The following VTCN1 variants were observed in gnomAD, a reference collection of about 807,000 sequenced individuals.
VTCN1 encodes V-set domain-containing T-cell activation inhibitor 1.
In VTCN1, 26 loss-of-function variants were observed where a neutral mutation model predicts 26.5. The observed-to-expected ratio is 0.98, with a 90% CI of 0.72 to 1.36. VTCN1 has a LOEUF of 1.36. VTCN1 is among the 40% of genes most tolerant of loss of function. The probability of loss-of-function intolerance (pLI) is 0.00; values close to 1 mark genes in which losing one functional copy is unlikely to be tolerated. For missense variants in VTCN1, 298 were observed against 337.7 expected (o/e 0.88, Z 0.92); for synonymous variants, 116 against 130.7 (o/e 0.89, Z 0.77).
chr1:117,177,219 T>C (rs927171110), intron 1 of VTCN1, among the ~76,000 whole-genome samples: 1 of 152,358 alleles, frequency 6.6e-6, no homozygotes. Flanking sequence ...CTATGTGGAA[T>C]AAAGCATTGG....
Position 117,145,584 on chromosome 1 carries a change from G to C in VTCN1, c.*46-359C>G, listed in dbSNP as rs933565777. Reference sequence around the variant, plus strand: ...CCAGGGAGTGTGTGTGGCCTAAAATGCCATTACCCATTATAATGTGTGTCT... The same window carrying C: ...CCAGGGAGTGTGTGTGGCCTAAAATCCCATTACCCATTATAATGTGTGTCT... On this transcript the variant is annotated intron_variant, in intron 5 of 5. Coordinates refer to ENST00000369458, the MANE Select transcript of VTCN1 (RefSeq NM_024626.4). The surrounding 1 kb of genome is among the most constrained non-coding windows in gnomAD (Gnocchi z 4.6). Among the ~76,000 whole-genome samples the C allele has an allele frequency of 6.6e-6, 1 of 152,148 alleles. No individual in the cohort carries two copies. Among genetic ancestry groups the C allele is most frequent in the East Asian group, 1.9e-4 (1 of 5,178 alleles).
At chr1:117,178,588 G>GTTTTT (rs10657719) in intron 1 of VTCN1, among the ~76,000 whole-genome samples, 1,045 of 88,222 alleles carry the variant, frequency 0.012, 108 homozygotes, top group African/African-American at 0.041. Flanking sequence ...TCTTTCTTTC[G>GTTTTT]TTTTTTTTTT....
rs753690090 is a variant in VTCN1 at position 117,156,593 on chromosome 1, G to A, written c.426C>T (p.Asn142=). 3 of 1,596,046 alleles carry A rather than the reference G, an allele frequency of 1.9e-6. No individual in the cohort carries two copies. In the Admixed American group the frequency reaches 5.1e-5, roughly 27 times the overall value. The part of the protein sequence containing the change: ...IITSKGKGNA[N]LEYKTGAFSM... The stretch of plus-strand genomic sequence containing the variant: ...ACTCACCTCCAGTTTTATACTCAAG[G>A]TTAGCATTCCCCTTGCCTTTAGAAG... Residue 142 remains asparagine (N), a synonymous_variant, in exon 3 of 6, where the codon AAC becomes AAT. Coordinates refer to ENST00000369458, the MANE Select transcript of VTCN1 (RefSeq NM_024626.4).
intron 1 of VTCN1, among the ~76,000 whole-genome samples, chr1:117,207,851 T>A (rs572062426): frequency 6.6e-6 from 1 of 152,184 alleles, no homozygotes; most frequent in Non-Finnish European, 1.5e-5. Context: ...TTAAGTCCAG[T>A]GTTTCCTGAA....
intron 1 of VTCN1, among the ~76,000 whole-genome samples, chr1:117,199,400 A>G (rs1048415817): frequency 6.6e-6 from 1 of 152,132 alleles, no homozygotes; most frequent in African/African-American, 2.4e-5. Flanking sequence ...ATCTCTGCTC[A>G]CTGCAAACTC....
intron 1 of VTCN1, among the ~76,000 whole-genome samples, chr1:117,205,038 G>A (rs550595088): frequency 9.4e-5 from 14 of 148,336 alleles, no homozygotes; most frequent in Admixed American, 7.4e-4. Flanking sequence ...ATATATATAC[G>A]TGTCCTGTAT....
At chr1:117,194,162 AC>A (rs1648394097) in intron 1 of VTCN1, among the ~76,000 whole-genome samples, 1 of 152,352 alleles carries the variant, frequency 6.6e-6, no homozygotes, top group African/African-American at 2.4e-5. Context: ...AACTCATATA[AC>A]TCAATAGCAA....
chr1:117,147,534 G>A lies in VTCN1; in HGVS notation c.*45+79C>T. On this transcript the variant is annotated intron_variant, in intron 5 of 5. Transcript: ENST00000369458. The surrounding 1 kb of genome is among the most constrained non-coding windows in gnomAD (Gnocchi z 4.6). ...TTAAATGTTTCTTTCTGTGGCTGATGCTGAAGGCTATCCGACTCTCATTAG... is the reference window on the plus strand; with the variant it reads ...TTAAATGTTTCTTTCTGTGGCTGATACTGAAGGCTATCCGACTCTCATTAG... The A allele has an allele frequency of 8.3e-7, 1 of 1,208,978 alleles. No homozygotes were observed. The highest frequency in any genetic ancestry group is 2.7e-5 in the Admixed American group (1 of 36,602). The allele number at this position is 1,208,978 out of a possible 1,614,324, so 74.9% of individuals were successfully genotyped here.
At chr1:117,149,154 TC>T (rs1485176637) in intron 4 of VTCN1, among the ~76,000 whole-genome samples, 1 of 152,148 alleles carries the variant, frequency 6.6e-6, no homozygotes, top group Non-Finnish European at 1.5e-5. Flanking sequence ...TGTAGTGTTC[TC>T]CCCAAAACCT....
intron 1 of VTCN1, among the ~76,000 whole-genome samples, chr1:117,176,900 A>C (rs1477373119): frequency 1.8e-4 from 28 of 152,206 alleles, no homozygotes. Context: ...GGAATTTGAG[A>C]CCAGCCTGGC....
rs190634597 is a variant in VTCN1, at chr1:117,148,005, C to A, written c.725-223G>T. 5.9e-5 allele frequency among the ~76,000 whole-genome samples: 9 copies of A among 152,292 alleles called. 1 individual carries two copies. Among genetic ancestry groups the A allele is most frequent in the African/African-American group, 2.2e-4 (9 of 41,568 alleles). ...GTGGTCCACTCCAGTGAACACTCAG[C>A]CGAATGAAAAACTATACCAATAAGA... On this transcript the variant is annotated intron_variant, in intron 4 of 5. Transcript: ENST00000369458.
At position 117,170,072 on chromosome 1, in the gene VTCN1, G is replaced by T. The variant is rs371060813; in HGVS notation, c.97+35C>A. ...GTGATTAGGAGTTTAATGGTGAGGG[G>T]TGAATAGATTGTAGTAATGCAAGAA... On this transcript the variant is annotated intron_variant, in intron 2 of 5. Coordinates refer to ENST00000369458, the MANE Select transcript of VTCN1 (RefSeq NM_024626.4). 64 of 1,588,116 alleles carry T rather than the reference G, an allele frequency of 4.0e-5. 1 individual carries two copies. In the East Asian group the frequency reaches 4.2e-4, roughly 11 times the overall value.
rs1294797741 is a variant in VTCN1 at position 117,144,554 on chromosome 1, A to G, written c.*717T>C. ...CATTCACGGATGAACATCATCTGAG[A>G]AATAAACCCGCATTTGTTTGTTTAA... On this transcript the variant is annotated 3_prime_UTR_variant, in exon 6 of 6. Coordinates refer to ENST00000369458, the MANE Select transcript of VTCN1 (RefSeq NM_024626.4). 2 of 152,202 alleles carry G rather than the reference A, an allele frequency of 1.3e-5. No homozygotes were observed. The highest frequency in any genetic ancestry group is 4.8e-5 in the African/African-American group (2 of 41,450). 9.4% of individuals were successfully genotyped at this position (152,202 alleles called of 1,614,324 possible).
At chr1:117,185,575 C>A (rs1480968117) in intron 1 of VTCN1, among the ~76,000 whole-genome samples, 1 of 152,054 alleles carries the variant, frequency 6.6e-6, no homozygotes, top group Non-Finnish European at 1.5e-5. Flanking sequence ...GTCAGACATG[C>A]CCCATTATAT....
At chr1:117,152,560 G>C (rs1233230939) in intron 4 of VTCN1, among the ~76,000 whole-genome samples, 1 of 152,100 alleles carries the variant, frequency 6.6e-6, no homozygotes, top group Non-Finnish European at 1.5e-5. Context: ...TCCATCTAGG[G>C]GTTTCAGATT....
In VTCN1 at chr1:117,161,325, T is replaced by C. The variant is rs1223530632; in HGVS notation, c.98-4404A>G. ...CCTATTAATTCATAGCTCACACTTC[T>C]TTAACACCAGTTATGCAAATTCTAC... On this transcript the variant is annotated intron_variant, in intron 2 of 5. Transcript: ENST00000369458. This position sits in a 1 kb window ranked among gnomAD's most constrained non-coding sequence, Gnocchi z 4.3. Among the ~76,000 whole-genome samples the C allele has an allele frequency of 6.6e-6, 1 of 152,240 alleles. No homozygotes were observed. Among genetic ancestry groups the C allele is most frequent in the African/African-American group, 2.4e-5 (1 of 41,464 alleles).
rs138464459 is a variant in VTCN1 at position 117,189,270 on chromosome 1, G to A, written c.33-19099C>T. Among the ~76,000 whole-genome samples the A allele has an allele frequency of 3.3e-4, 50 of 151,848 alleles. 1 individual carries two copies. The East Asian group carries it at 8.1e-3, about 25-fold the overall frequency. ...ACCCTGCTGCCTATTTTCTTGTCTC[G>A]CACCTGCAGGTCCACTATCCTCTGC... On this transcript the variant is annotated intron_variant, in intron 1 of 5. Transcript: ENST00000369458.
At chr1:117,180,817 C>T (rs1271074637) in intron 1 of VTCN1, among the ~76,000 whole-genome samples, 2 of 152,226 alleles carry the variant, frequency 1.3e-5, no homozygotes, top group Non-Finnish European at 1.5e-5. Flanking sequence ...CTCACCTCTC[C>T]TCCTCCAGCC....
At chr1:117,158,963 C>A (rs1414523487) in intron 2 of VTCN1, among the ~76,000 whole-genome samples, 1 of 152,210 alleles carries the variant, frequency 6.6e-6, no homozygotes, top group Non-Finnish European at 1.5e-5. Flanking sequence ...CAGTTCTCAG[C>A]AGGTTCCTCA....
Sources: allele counts gnomAD v4.1 joint callset (sites outside exome capture counted in the v4.1 genomes callset), GRCh38; gene constraint gnomAD v4.1.1; non-coding constraint Gnocchi (gnomAD v3.1); transcripts MANE v1.5; gene names NCBI Gene and HGNC (gene_info 2026-07-23, HGNC 2026-07-21).